MACC1: variants seen among roughly 807,000 people sequenced by gnomAD.
MACC1 encodes the protein metastasis-associated in colon cancer protein 1.
Under a neutral mutation model 70.7 loss-of-function variants are expected in MACC1, and 79 were observed. The ratio of observed to expected loss-of-function variants is 1.12; its 90% CI spans 0.93 to 1.35. MACC1 has a LOEUF of 1.35. Among genes scored for constraint, MACC1 ranks in the 40% most tolerant of loss-of-function variants. The pLI is 0.00. For synonymous variants in MACC1, 361 were observed against 347.2 expected, an observed-to-expected ratio of 1.04 and a Z score of -0.44; for missense variants, 1,106 against 978.1, an observed-to-expected ratio of 1.13 and a Z score of -1.74.
intron 1 of MACC1, among the ~76,000 whole-genome samples, chr7:20,208,402 G>C (rs142212181): frequency 0.011 from 1,614 of 152,284 alleles, 15 homozygotes; most frequent in South Asian, 0.027. Context: ...TAGTAATATG[G>C]ACAATGAAGT....
intron 1 of MACC1, among the ~76,000 whole-genome samples, chr7:20,216,299 T>C (rs1336890843): frequency 6.6e-6 from 1 of 152,198 alleles, no homozygotes; most frequent in African/African-American, 2.4e-5. Context: ...TACATGCTTT[T>C]TGATCTTAAA....
At position 20,161,805 on chromosome 7, in the gene MACC1, C is replaced by T. The variant is rs567741726; in HGVS notation, c.58G>A (p.Glu20Lys). 6.2e-7 allele frequency: 1 copy of T among 1,612,630 alleles called. No homozygotes were observed. The highest frequency in any genetic ancestry group is 1.1e-5 in the South Asian group (1 of 91,020). Residue 20 changes from glutamate to lysine, a missense_variant, in exon 4 of 7, where the codon GAA becomes AAA. Glu to Lys is a moderately conservative substitution (Grantham distance 56). Coordinates refer to ENST00000400331, the MANE Select transcript of MACC1 (RefSeq NM_182762.4). ...GCTTCCATGTCAATCAAATTTGCTT[C>T]AGACATACTTTGTGCAATTCTTCCT... ...RSGRIAQSMS[E>K]ANLIDMEAGK...
intron 2 of MACC1, among the ~76,000 whole-genome samples, chr7:20,168,194 G>A (rs1782250069): frequency 6.6e-6 from 1 of 151,510 alleles, no homozygotes; most frequent in South Asian, 2.1e-4. Context: ...AAAATATGTT[G>A]AGAAATTTAC....
At chr7:20,167,423 T>C (rs112675222) in intron 2 of MACC1, among the ~76,000 whole-genome samples, 5 of 152,024 alleles carry the variant, frequency 3.3e-5, no homozygotes, top group African/African-American at 1.2e-4. Flanking sequence ...CTCGAACTCC[T>C]GAGCTCAGGC....
intron 1 of MACC1, among the ~76,000 whole-genome samples, chr7:20,212,791 C>T: frequency 6.6e-6 from 1 of 152,050 alleles, no homozygotes; most frequent in Non-Finnish European, 1.5e-5. Context: ...TCTCTCAGAC[C>T]ACCAAGCTTA....
intron 1 of MACC1, among the ~76,000 whole-genome samples, chr7:20,202,715 C>T (rs182626284): frequency 6.6e-6 from 1 of 152,168 alleles, no homozygotes. Context: ...GTTGAACATA[C>T]TTCATGTGGC....
Position 20,169,644 on chromosome 7 carries a change from C to T in MACC1, c.-153+1070G>A, listed in dbSNP as rs190114398. 3.9e-5 allele frequency among the ~76,000 whole-genome samples: 6 copies of T among 152,300 alleles called. No individual in the cohort carries two copies. The East Asian group carries it at 9.6e-4, about 24-fold the overall frequency. On this transcript the variant is annotated intron_variant, in intron 2 of 6. Transcript: ENST00000400331. ...GTCTTTCCTTTCTTTTATGTAAATG[C>T]ATTTTTGTAAAGTAGAAAGAATATA...
At chr7:20,192,582 A>C (rs1207975639) in intron 1 of MACC1, among the ~76,000 whole-genome samples, 1 of 152,194 alleles carries the variant, frequency 6.6e-6, no homozygotes, top group Non-Finnish European at 1.5e-5. Flanking sequence ...ACTACAGTCT[A>C]TATTAGGCCA....
At chr7:20,216,579 C>A (rs1301046507) in intron 1 of MACC1, among the ~76,000 whole-genome samples, 1 of 152,090 alleles carries the variant, frequency 6.6e-6, no homozygotes, top group Non-Finnish European at 1.5e-5. Flanking sequence ...CCAGATACCT[C>A]AGGTAAGTTG....
intron 1 of MACC1, among the ~76,000 whole-genome samples, chr7:20,197,602 C>T (rs1583408733): frequency 6.6e-6 from 1 of 152,326 alleles, no homozygotes; most frequent in African/African-American, 2.4e-5. Flanking sequence ...TCACAATAAA[C>T]TTGGACTGAA....
chr7:20,156,377 A>C (rs1360725225), intron 5 of MACC1, among the ~76,000 whole-genome samples: 1 of 152,146 alleles, frequency 6.6e-6, no homozygotes, highest in East Asian at 1.9e-4. Context: ...CGCTTGAGGC[A>C]CTCTGGTAAT....
At chr7:20,146,033 C>T (rs766066057) in intron 6 of MACC1, among the ~76,000 whole-genome samples, 45 of 151,544 alleles carry the variant, frequency 3.0e-4, no homozygotes, top group African/African-American at 9.7e-4. Flanking sequence ...TGGTGGCACG[C>T]GCCTGTAGTC....
At chr7:20,200,391 C>T (rs528446165) in intron 1 of MACC1, among the ~76,000 whole-genome samples, 2 of 152,226 alleles carry the variant, frequency 1.3e-5, no homozygotes, top group African/African-American at 2.4e-5. Context: ...AGAAAACACA[C>T]GATGACTTCC....
At chr7:20,163,679 C>T (rs918803527) in intron 3 of MACC1, among the ~76,000 whole-genome samples, 2 of 152,156 alleles carry the variant, frequency 1.3e-5, no homozygotes. Flanking sequence ...TATAATTTCT[C>T]TTCATCCCAT....
At chr7:20,157,007 A>T (rs182019719) in intron 5 of MACC1, among the ~76,000 whole-genome samples, 3 of 152,314 alleles carry the variant, frequency 2.0e-5, no homozygotes, top group East Asian at 3.9e-4. Flanking sequence ...ACTTTGTTTC[A>T]TGAAGGCATA....
intron 1 of MACC1, among the ~76,000 whole-genome samples, chr7:20,205,388 G>C (rs939773963): frequency 2.0e-5 from 3 of 152,188 alleles, no homozygotes; most frequent in African/African-American, 4.8e-5. Flanking sequence ...GCAGGAGTTA[G>C]GAAAAGCCCA....
intron 1 of MACC1, chr7:20,185,043 G>A (rs372996832): frequency 2.6e-5 from 4 of 152,016 alleles, no homozygotes; most frequent in African/African-American, 7.2e-5. Flanking sequence ...CTTTTTAATC[G>A]TGAGGGTAGA....
At chr7:20,164,890 ACT>A (rs1782189789) in intron 2 of MACC1, among the ~76,000 whole-genome samples, 1 of 100,842 alleles carries the variant, frequency 9.9e-6, no homozygotes, top group Admixed American at 1.1e-4. Context: ...AACTACCTAA[ACT>A]CTTTTTTTTT....
At chr7:20,216,315 A>AT (rs1444412521) in intron 1 of MACC1, among the ~76,000 whole-genome samples, 2 of 152,112 alleles carry the variant, frequency 1.3e-5, no homozygotes, top group Admixed American at 6.5e-5. Context: ...TTAAAAATAA[A>AT]TTTTTTAAAA....
Sources: allele counts gnomAD v4.1 joint callset (sites outside exome capture counted in the v4.1 genomes callset), GRCh38; gene constraint gnomAD v4.1.1; transcripts MANE v1.5; gene names NCBI Gene and HGNC (gene_info 2026-07-23, HGNC 2026-07-21).